Variants in EYS observed in about 807,000 individuals in gnomAD.
EYS encodes the protein protein eyes shut homolog.
Under a neutral mutation model 282.1 loss-of-function variants are expected in EYS, and 250 were observed. That is an observed-to-expected ratio of 0.89 (90% CI 0.80 to 0.98). EYS has a LOEUF of 0.98. Ranked by LOEUF, EYS falls within the 50% of genes least tolerant of loss-of-function variation. The pLI, the probability that EYS is intolerant of heterozygous loss-of-function variation, is 0.00. For missense variants in EYS, 4,016 were observed against 3,709.0 expected (o/e 1.08, Z -2.15); for synonymous variants, 1,355 against 1,282.9 (o/e 1.06, Z -1.20).
rs147436455 is a variant in EYS at position 65,548,038 on chromosome 6, T to C, written c.-332-52045A>G. On this transcript the variant is annotated intron_variant, in intron 2 of 42. Transcript: ENST00000503581. Reference sequence around the variant, plus strand: ...TAGATAAAACTTAATCAAACTTTAGTCAGACTTCTCTCCTTCACCCAGGCC... The same window carrying C: ...TAGATAAAACTTAATCAAACTTTAGCCAGACTTCTCTCCTTCACCCAGGCC... Among the ~76,000 whole-genome samples, 864 of 152,284 alleles carry C rather than the reference T, an allele frequency of 5.7e-3. 21 individuals are homozygous for C. The highest frequency in any genetic ancestry group is 0.04 in the South Asian group (191 of 4,826).
At chr6:64,832,074 T>C (rs1294863867) in intron 19 of EYS, among the ~76,000 whole-genome samples, 1 of 151,864 alleles carries the variant, frequency 6.6e-6, no homozygotes, top group African/African-American at 2.4e-5. Flanking sequence ...AGTAACAGTT[T>C]ATAGATGAGT....
At chr6:64,997,153 CTG>C (rs1379056456) in intron 14 of EYS, among the ~76,000 whole-genome samples, 1 of 151,986 alleles carries the variant, frequency 6.6e-6, no homozygotes, top group Non-Finnish European at 1.5e-5. Flanking sequence ...GTGAAGGAAA[CTG>C]GAAATATGTA....
intron 1 of EYS, among the ~76,000 whole-genome samples, chr6:65,651,941 GA>G (rs1767662820): frequency 6.6e-6 from 1 of 152,000 alleles, no homozygotes; most frequent in Non-Finnish European, 1.5e-5. Flanking sequence ...CTCCTGGAAA[GA>G]GAGAAAAACA....
chr6:65,012,417 A>G (rs1156586384), intron 13 of EYS, among the ~76,000 whole-genome samples: 1 of 152,236 alleles, frequency 6.6e-6, no homozygotes, highest in East Asian at 1.9e-4. Flanking sequence ...TGTACAGTAC[A>G]TAGGTACAAA....
chr6:64,193,489 C>T (rs1299518209), intron 31 of EYS, among the ~76,000 whole-genome samples: 3 of 150,996 alleles, frequency 2.0e-5, no homozygotes, highest in Non-Finnish European at 4.4e-5. Flanking sequence ...CTTTTTTTTT[C>T]CTGGTTGTTT....
Position 64,800,477 on chromosome 6 carries a change from C to T in EYS, c.3443+12901G>A, listed in dbSNP as rs181124230. Among the ~76,000 whole-genome samples, 29 of 151,750 alleles carry T rather than the reference C, an allele frequency of 1.9e-4. No homozygotes were observed. In the East Asian group the frequency reaches 4.1e-3, roughly 21 times the overall value. ...TATAAGAGCCAAAAGAAAACATATG[C>T]AGTTTTTTTTCACATATTCAAATAT... On this transcript the variant is annotated intron_variant, in intron 22 of 42. Transcript: ENST00000503581.
chr6:64,548,957 C>T (rs1562055038), intron 26 of EYS, among the ~76,000 whole-genome samples: 1 of 152,212 alleles, frequency 6.6e-6, no homozygotes, highest in Admixed American at 6.5e-5. Flanking sequence ...ATCCAAGGAA[C>T]AGCGTCTACA....
Position 64,009,242 on chromosome 6 carries a change from C to A in EYS, c.6726-10059G>T, listed in dbSNP as rs77171926. On this transcript the variant is annotated intron_variant, in intron 33 of 42. Transcript: ENST00000503581. Reference sequence around the variant, plus strand: ...CTTCGAGCTCTGAGATTCTTTCCTCCGCTTGGTCAATTCTGCTGTTAATTT... The same window carrying A: ...CTTCGAGCTCTGAGATTCTTTCCTCAGCTTGGTCAATTCTGCTGTTAATTT... 1.1e-4 allele frequency among the ~76,000 whole-genome samples: 16 copies of A among 150,878 alleles called. No individual in the cohort carries two copies. In the East Asian group the frequency reaches 3.1e-3, roughly 29 times the overall value.
At chr6:64,040,816 G>C (rs945497369) in intron 33 of EYS, among the ~76,000 whole-genome samples, 1 of 152,156 alleles carries the variant, frequency 6.6e-6, no homozygotes, top group African/African-American at 2.4e-5. Flanking sequence ...TAGTTTGTCA[G>C]CTCCTTATCC....
At chr6:64,134,509 G>T (rs954651990) in intron 31 of EYS, among the ~76,000 whole-genome samples, 1 of 152,030 alleles carries the variant, frequency 6.6e-6, no homozygotes, top group African/African-American at 2.4e-5. Flanking sequence ...GAATACAAAT[G>T]CAGGAAATAA....
chr6:65,418,380 T>C (rs1767321661), intron 5 of EYS, among the ~76,000 whole-genome samples: 1 of 151,960 alleles, frequency 6.6e-6, no homozygotes, highest in Non-Finnish European at 1.5e-5. Context: ...AATAACACTG[T>C]AAAAGCATTC....
At chr6:64,415,289 CCTTATGT>C (rs1774024897) in intron 28 of EYS, among the ~76,000 whole-genome samples, 1 of 152,170 alleles carries the variant, frequency 6.6e-6, no homozygotes, top group South Asian at 2.1e-4. Context: ...ACAACATAGG[CCTTATGT>C]CTTTGGACAC....
chr6:64,756,661 G>A (rs1024039), intron 22 of EYS, among the ~76,000 whole-genome samples: 149,540 of 152,276 alleles, frequency 0.98, 73,460 homozygotes, highest in Non-Finnish European at 1. Flanking sequence ...AAATTGGAGC[G>A]TTATACATGT....
chr6:64,880,340 T>C (rs1766875337), intron 19 of EYS, among the ~76,000 whole-genome samples: 1 of 152,018 alleles, frequency 6.6e-6, no homozygotes, highest in South Asian at 2.1e-4. Context: ...TGTATATACA[T>C]GCTATGAAGA....
chr6:64,344,027 A>G (rs1055062075), intron 29 of EYS, among the ~76,000 whole-genome samples: 2 of 152,204 alleles, frequency 1.3e-5, no homozygotes, highest in Non-Finnish European at 2.9e-5. Flanking sequence ...ATCTCTGAAT[A>G]GACCAATAAC....
At chr6:64,613,284 T>C (rs1267410490) in intron 24 of EYS, among the ~76,000 whole-genome samples, 2 of 152,108 alleles carry the variant, frequency 1.3e-5, no homozygotes, top group Non-Finnish European at 2.9e-5. Flanking sequence ...AGAAGCCTAA[T>C]TAGAACAACA....
chr6:65,068,927 A>G (rs889318617), intron 12 of EYS, among the ~76,000 whole-genome samples: 2 of 151,250 alleles, frequency 1.3e-5, no homozygotes, highest in African/African-American at 2.4e-5. Flanking sequence ...GCACTCCTCT[A>G]ATATCTAATC....
In EYS at chr6:65,106,569, G is replaced by A. The variant is rs890284076; in HGVS notation, c.2024-48842C>T. 3.3e-5 allele frequency among the ~76,000 whole-genome samples: 5 copies of A among 152,088 alleles called. No homozygotes were observed. The South Asian group carries it at 8.3e-4, about 25-fold the overall frequency. Reference sequence around the variant, plus strand: ...AGCATTAAAGCTAATATTTGAAACCGACACTCTTGTTTATCTGTTATGTTT... The same window carrying A: ...AGCATTAAAGCTAATATTTGAAACCAACACTCTTGTTTATCTGTTATGTTT... On this transcript the variant is annotated intron_variant, in intron 12 of 42. Coordinates refer to ENST00000503581, the MANE Select transcript of EYS (RefSeq NM_001142800.2).
intron 26 of EYS, among the ~76,000 whole-genome samples, chr6:64,484,724 C>T (rs1776532293): frequency 6.6e-6 from 1 of 151,524 alleles, no homozygotes; most frequent in African/African-American, 2.4e-5. Flanking sequence ...ATATTAAGTA[C>T]CCCAAATTCC....
Sources: gnomAD v4.1 joint callset for allele counts (sites outside exome capture counted in the v4.1 genomes callset) on GRCh38, gnomAD v4.1.1 for gene constraint, MANE v1.5 for transcripts, NCBI Gene and HGNC (gene_info 2026-07-23, HGNC 2026-07-21) for gene names.